PSD3: variants seen among roughly 807,000 people sequenced by gnomAD.
The protein encoded by PSD3 is PH and SEC7 domain-containing protein 3.
In PSD3, 49 loss-of-function variants were observed where a neutral mutation model predicts 105.5. The observed-to-expected ratio is 0.46, with a 90% CI of 0.37 to 0.59. PSD3 has a LOEUF of 0.59. PSD3 is among the 20% of genes least tolerant of loss of function. The probability of loss-of-function intolerance (pLI) is 0.00; values close to 1 mark genes in which losing one functional copy is unlikely to be tolerated. For synonymous variants in PSD3, 557 were observed against 457.8 expected, an observed-to-expected ratio of 1.22 and a Z score of -2.77; for missense variants, 1,561 against 1,263.8, an observed-to-expected ratio of 1.24 and a Z score of -3.57.
At chr8:18,747,732 A>G (rs1450591216) in intron 9 of PSD3, among the ~76,000 whole-genome samples, 1 of 152,122 alleles carries the variant, frequency 6.6e-6, no homozygotes, top group Non-Finnish European at 1.5e-5. Context: ...ATTAACTACT[A>G]TATGAATTAC....
rs562643300 is a variant in PSD3, at chr8:18,714,112, C to T, written c.2172+51337G>A. Among the ~76,000 whole-genome samples the T allele has an allele frequency of 2.4e-4, 36 of 152,262 alleles. 1 individual carries two copies. In the South Asian group the frequency reaches 5.6e-3, roughly 24 times the overall value. ...ATTGAAACTGTACCCCTTCCTTATA[C>T]CTTATACAAAAATTAACTCAAGATG... On this transcript the variant is annotated intron_variant, in intron 9 of 15. Transcript: ENST00000327040.
chr8:18,559,311 C>A (rs1237166968), intron 14 of PSD3, among the ~76,000 whole-genome samples: 1 of 152,098 alleles, frequency 6.6e-6, no homozygotes, highest in Admixed American at 6.6e-5. Context: ...TTGCTAATTT[C>A]ATAGGTAAGA....
At chr8:18,680,669 G>A (rs1370543567) in intron 9 of PSD3, among the ~76,000 whole-genome samples, 1 of 152,126 alleles carries the variant, frequency 6.6e-6, no homozygotes, top group East Asian at 1.9e-4. Context: ...ACTCTCTCTA[G>A]AGGAAATGGT....
At chr8:18,646,110 G>A (rs1808016706) in intron 10 of PSD3, among the ~76,000 whole-genome samples, 1 of 152,102 alleles carries the variant, frequency 6.6e-6, no homozygotes, top group African/African-American at 2.4e-5. Context: ...TGTTATTCTA[G>A]TATTTCAAGA....
chr8:18,772,561 T>G (rs945643443), intron 8 of PSD3, among the ~76,000 whole-genome samples: 1 of 152,118 alleles, frequency 6.6e-6, no homozygotes, highest in African/African-American at 2.4e-5. Flanking sequence ...CAGGCTGGAG[T>G]GCAGTGGCAC....
At chr8:18,904,443 G>A (rs1177341527) in intron 2 of PSD3, among the ~76,000 whole-genome samples, 1 of 152,144 alleles carries the variant, frequency 6.6e-6, no homozygotes, top group Non-Finnish European at 1.5e-5. Flanking sequence ...CTTTGTACCA[G>A]TGTACCCAGG....
chr8:18,692,112 C>A (rs1158479356), intron 9 of PSD3, among the ~76,000 whole-genome samples: 2 of 152,116 alleles, frequency 1.3e-5, no homozygotes. Context: ...GTAAGAGTAA[C>A]TGTAAGCTCT....
chr8:18,904,174 G>C (rs2129461678), intron 2 of PSD3, among the ~76,000 whole-genome samples: 1 of 152,176 alleles, frequency 6.6e-6, no homozygotes, highest in South Asian at 2.1e-4. Flanking sequence ...GGTGAGAGAG[G>C]GAACAAGAGA....
chr8:18,922,884 C>T (rs1386327677), intron 2 of PSD3, among the ~76,000 whole-genome samples: 2 of 152,164 alleles, frequency 1.3e-5, no homozygotes, highest in African/African-American at 4.8e-5. Context: ...CAGAGAGTTC[C>T]ATGCCCTCTC....
intron 15 of PSD3, among the ~76,000 whole-genome samples, chr8:18,537,212 T>C (rs538773054): frequency 2.6e-5 from 4 of 152,290 alleles, no homozygotes; most frequent in South Asian, 2.1e-4. Flanking sequence ...CACAGGTCAT[T>C]CACACAATAT....
At chr8:18,897,679 T>C (rs1819241281) in intron 2 of PSD3, among the ~76,000 whole-genome samples, 1 of 152,202 alleles carries the variant, frequency 6.6e-6, no homozygotes, top group African/African-American at 2.4e-5. Flanking sequence ...TGCAATTTCT[T>C]ACATCAGTGT....
At chr8:18,967,967 G>C in intron 1 of PSD3, among the ~76,000 whole-genome samples, 1 of 152,156 alleles carries the variant, frequency 6.6e-6, no homozygotes, top group Middle Eastern at 3.2e-3. Flanking sequence ...CAAAAGGCTA[G>C]CAAAAGATCC....
chr8:18,634,539 G>C (rs1807122500), intron 10 of PSD3, among the ~76,000 whole-genome samples: 2 of 151,836 alleles, frequency 1.3e-5, no homozygotes, highest in Admixed American at 6.6e-5. Context: ...TTCTATTCTA[G>C]GATCCTATCC....
chr8:18,571,612 T>A (rs952558270), intron 14 of PSD3, among the ~76,000 whole-genome samples: 22 of 152,172 alleles, frequency 1.4e-4, no homozygotes, highest in African/African-American at 4.8e-4. Flanking sequence ...TGCCTTTCTA[T>A]CTCCAGGGCC....
At chr8:18,738,685 C>T (rs147630954) in intron 9 of PSD3, among the ~76,000 whole-genome samples, 1 of 152,248 alleles carries the variant, frequency 6.6e-6, no homozygotes, top group African/African-American at 2.4e-5. Flanking sequence ...AAGACTCGTA[C>T]TAGCCACCTG....
At chr8:18,554,722 C>A (rs1452653634) in intron 15 of PSD3, among the ~76,000 whole-genome samples, 1 of 152,068 alleles carries the variant, frequency 6.6e-6, no homozygotes, top group Non-Finnish European at 1.5e-5. Context: ...ACGGAATCCG[C>A]TACAGGTAAC....
intron 1 of PSD3, among the ~76,000 whole-genome samples, chr8:19,026,546 T>C (rs1053534092): frequency 4.6e-5 from 7 of 151,934 alleles, no homozygotes; most frequent in Non-Finnish European, 8.8e-5. Flanking sequence ...ATATTGCCTA[T>C]CATGCAGGAG....
At chr8:18,785,921 T>C (rs1295368840) in intron 8 of PSD3, among the ~76,000 whole-genome samples, 1 of 152,214 alleles carries the variant, frequency 6.6e-6, no homozygotes, top group Admixed American at 6.5e-5. Context: ...TATATGGGAA[T>C]GGTTCATTGA....
chr8:18,660,852 A>G (rs997199153), intron 9 of PSD3, among the ~76,000 whole-genome samples: 4 of 152,226 alleles, frequency 2.6e-5, no homozygotes, highest in African/African-American at 9.6e-5. Context: ...GCCAGGACAG[A>G]ATGACTCTTT....
Sources: gnomAD v4.1 joint callset for allele counts (sites outside exome capture counted in the v4.1 genomes callset) on GRCh38, gnomAD v4.1.1 for gene constraint, MANE v1.5 for transcripts, NCBI Gene and HGNC (gene_info 2026-07-23, HGNC 2026-07-21) for gene names.